Variants in MSRA observed in about 807,000 individuals in gnomAD.
The protein encoded by MSRA is mitochondrial peptide methionine sulfoxide reductase.
A neutral mutation model predicts 31.3 loss-of-function variants in MSRA; 54 were observed. The observed-to-expected ratio is 1.73, with a 90% CI of 1.39 to 2.17. The LOEUF (loss-of-function observed/expected upper bound fraction) is 2.17. Ranked by LOEUF, MSRA falls within the 30% of genes most tolerant of loss-of-function variation. The pLI is 0.00. For synonymous variants in MSRA, 169 were observed against 116.5 expected (o/e 1.45, Z -2.90); for missense variants, 507 against 300.9 (o/e 1.69, Z -5.07).
intron 5 of MSRA, among the ~76,000 whole-genome samples, chr8:10,413,941 G>A (rs1808308695): frequency 6.6e-6 from 1 of 152,170 alleles, no homozygotes; most frequent in South Asian, 2.1e-4. Flanking sequence ...GAGGCAGGAG[G>A]ATTGTTTGAG....
intron 1 of MSRA, among the ~76,000 whole-genome samples, chr8:10,110,311 T>A (rs2046398): frequency 0.19 from 29,144 of 152,194 alleles, 3,229 homozygotes; most frequent in East Asian, 0.4. Context: ...TTCTTTATTA[T>A]TTCTGGATAT....
intron 1 of MSRA, among the ~76,000 whole-genome samples, chr8:10,180,143 C>G (rs1420335342): frequency 2.6e-5 from 4 of 152,232 alleles, no homozygotes; most frequent in African/African-American, 9.6e-5. Flanking sequence ...CTGCACTTCT[C>G]TCTGACTTGA....
At chr8:10,060,598 T>G (rs547586770) in intron 1 of MSRA, among the ~76,000 whole-genome samples, 1 of 152,216 alleles carries the variant, frequency 6.6e-6, no homozygotes, top group Non-Finnish European at 1.5e-5. Context: ...TTTAGTCTAA[T>G]TGACCACCTT....
At chr8:10,307,989 G>A (rs144896834) in intron 4 of MSRA, among the ~76,000 whole-genome samples, 1 of 152,168 alleles carries the variant, frequency 6.6e-6, no homozygotes, top group Non-Finnish European at 1.5e-5. Context: ...TAGAGGAAGG[G>A]GCATTCTCTT....
intron 1 of MSRA, among the ~76,000 whole-genome samples, chr8:10,092,581 C>G (rs1021213492): frequency 3.3e-5 from 5 of 152,008 alleles, no homozygotes; most frequent in East Asian, 1.9e-4. Flanking sequence ...TCGCTTGAAT[C>G]CAGGAAGTGG....
At chr8:10,124,286 C>T (rs746072051) in intron 1 of MSRA, among the ~76,000 whole-genome samples, 4 of 151,902 alleles carry the variant, frequency 2.6e-5, no homozygotes, top group South Asian at 2.1e-4. Flanking sequence ...GATTGGCAGG[C>T]GAGAGAGAGG....
chr8:10,326,958 A>G (rs1387661543), intron 5 of MSRA, among the ~76,000 whole-genome samples: 4 of 152,158 alleles, frequency 2.6e-5, no homozygotes, highest in African/African-American at 9.7e-5. Flanking sequence ...CTGAGAAATT[A>G]TGTTTCTTGA....
rs544899488 is a variant in MSRA, at chr8:10,252,666, G to A, written c.331+7443G>A. Among the ~76,000 whole-genome samples the A allele has an allele frequency of 2.6e-5, 4 of 152,288 alleles. No individual in the cohort carries two copies. The East Asian group carries it at 5.8e-4, about 22-fold the overall frequency. Reference sequence around the variant, plus strand: ...CCTGGCCTGGGCTGGGGACTGCCTGGGCCTGCAGAATCAGGGCAAGTGGAC... The same window carrying A: ...CCTGGCCTGGGCTGGGGACTGCCTGAGCCTGCAGAATCAGGGCAAGTGGAC... On this transcript the variant is annotated intron_variant, in intron 3 of 5. Transcript: ENST00000317173.
intron 3 of MSRA, among the ~76,000 whole-genome samples, chr8:10,256,435 G>C (rs985412022): frequency 6.6e-6 from 1 of 152,160 alleles, no homozygotes; most frequent in Non-Finnish European, 1.5e-5. Flanking sequence ...GTCAACATAG[G>C]AAACTGGTTT....
chr8:10,332,267 G>C (rs1414144700), intron 5 of MSRA, among the ~76,000 whole-genome samples: 1 of 152,120 alleles, frequency 6.6e-6, no homozygotes, highest in Non-Finnish European at 1.5e-5. Context: ...TATTTGCATT[G>C]GAAAACCCTA....
At chr8:10,136,008 G>A (rs1019902365) in intron 1 of MSRA, among the ~76,000 whole-genome samples, 2 of 152,152 alleles carry the variant, frequency 1.3e-5, no homozygotes, top group Admixed American at 6.5e-5. Flanking sequence ...GAGGTGAGGG[G>A]ACCTGCATGT....
intron 1 of MSRA, among the ~76,000 whole-genome samples, chr8:10,101,601 C>T (rs888124376): frequency 5.3e-5 from 8 of 152,190 alleles, no homozygotes; most frequent in African/African-American, 1.9e-4. Context: ...ATGAATTTGA[C>T]TACTTCAGGT....
At position 10,344,832 on chromosome 8, in the gene MSRA, T is replaced by A. The variant is rs536760295; in HGVS notation, c.543+24843T>A. Among the ~76,000 whole-genome samples, 147 of 152,234 alleles carry A rather than the reference T, an allele frequency of 9.7e-4. No homozygotes were observed. In the Middle Eastern group the frequency reaches 0.014, roughly 14 times the overall value. On this transcript the variant is annotated intron_variant, in intron 5 of 5. Coordinates refer to ENST00000317173, the MANE Select transcript of MSRA (RefSeq NM_012331.5). ...CTGGGAATGACTACAGTGGACATAT[T>A]TATTCTTCCTTAGTGTGTCAGGTGT...
chr8:10,372,881 T>C (rs1805555994), intron 5 of MSRA, among the ~76,000 whole-genome samples: 1 of 152,260 alleles, frequency 6.6e-6, no homozygotes. Flanking sequence ...TTTGCTAAGT[T>C]GTTATTACTA....
chr8:10,266,413 C>A (rs1036092237), intron 3 of MSRA, among the ~76,000 whole-genome samples: 1 of 152,146 alleles, frequency 6.6e-6, no homozygotes, highest in Admixed American at 6.5e-5. Context: ...GTTCAAATCT[C>A]TTATGTATGC....
chr8:10,121,694 G>C (rs1801119877), intron 1 of MSRA, among the ~76,000 whole-genome samples: 1 of 150,920 alleles, frequency 6.6e-6, no homozygotes, highest in South Asian at 2.1e-4. Context: ...TTTTGAGACT[G>C]GATCTTGGTC....
chr8:10,126,599 G>C (rs900941249), intron 1 of MSRA, among the ~76,000 whole-genome samples: 2 of 152,138 alleles, frequency 1.3e-5, no homozygotes, highest in Admixed American at 6.5e-5. Context: ...CACAACCTCT[G>C]CCTCCTGGGT....
chr8:10,172,756 G>A (rs991955238), intron 1 of MSRA, among the ~76,000 whole-genome samples: 1 of 152,174 alleles, frequency 6.6e-6, no homozygotes, highest in African/African-American at 2.4e-5. Context: ...TCACTGGGCA[G>A]CAGGGACTCA....
intron 2 of MSRA, among the ~76,000 whole-genome samples, chr8:10,220,131 A>G (rs192472047): frequency 1.3e-5 from 2 of 152,304 alleles, no homozygotes; most frequent in East Asian, 3.9e-4. Context: ...GCCCACGATC[A>G]TTGTATTATT....
Sources: gnomAD v4.1 joint callset for allele counts (sites outside exome capture counted in the v4.1 genomes callset) on GRCh38, gnomAD v4.1.1 for gene constraint, MANE v1.5 for transcripts, NCBI Gene and HGNC (gene_info 2026-07-23, HGNC 2026-07-21) for gene names.